Variants in EXOC6 observed in about 807,000 individuals in gnomAD.
EXOC6 encodes the protein exocyst complex component 6, also known as SEC15-like 1.
A neutral mutation model predicts 112.5 loss-of-function variants in EXOC6; 60 were observed. The observed-to-expected ratio is 0.53, with a 90% CI of 0.43 to 0.66. EXOC6 has a LOEUF of 0.66. Ranked by LOEUF, EXOC6 falls within the 30% of genes least tolerant of loss-of-function variation. The pLI, the probability that EXOC6 is intolerant of heterozygous loss-of-function variation, is 0.00. For missense variants in EXOC6, 855 were observed against 957.1 expected (o/e 0.89, Z 1.41); for synonymous variants, 295 against 308.0 (o/e 0.96, Z 0.44).
rs567311286 is a variant in EXOC6 at position 92,946,717 on chromosome 10, C to T, written c.1311-1557C>T. Among the ~76,000 whole-genome samples the T allele has an allele frequency of 2.0e-5, 3 of 152,288 alleles. No individual in the cohort carries two copies. In the East Asian group the frequency reaches 5.8e-4, roughly 29 times the overall value. ...TAATACTGCACTACTTGTGGTTTTACACCCCCCCACACACTAACGCTCACT... is the reference window on the plus strand; with the variant it reads ...TAATACTGCACTACTTGTGGTTTTATACCCCCCCACACACTAACGCTCACT... On this transcript the variant is annotated intron_variant, in intron 13 of 21. Transcript: ENST00000260762.
intron 17 of EXOC6, 69 bp from the exon 18 acceptor site, chr10:92,973,984 T>C: frequency 8.2e-7 from 1 of 1,217,474 alleles, no homozygotes; most frequent in Non-Finnish European, 1.1e-6. Context: ...TAAAATAATA[T>C]CTAGAATTGT....
chr10:92,891,214 T>C (rs1849482227), intron 1 of EXOC6, among the ~76,000 whole-genome samples: 1 of 152,082 alleles, frequency 6.6e-6, no homozygotes, highest in South Asian at 2.1e-4. Flanking sequence ...TCGGACATAT[T>C]TGAGGTGCTT....
rs552813805 is a variant in EXOC6 at position 92,882,811 on chromosome 10, G to T, written c.102-10538G>T. Among the ~76,000 whole-genome samples, 3 of 152,246 alleles carry T rather than the reference G, an allele frequency of 2.0e-5. No homozygotes were observed. The South Asian group carries it at 6.2e-4, about 32-fold the overall frequency. On this transcript the variant is annotated intron_variant, in intron 1 of 21. Transcript: ENST00000260762. ...ACTCTAACTTCAGGGTTTCAAGTGG[G>T]TTATAAATTGATATTGCAGAGGCTG...
At chr10:92,884,454 T>C (rs980323546) in intron 1 of EXOC6, among the ~76,000 whole-genome samples, 1 of 152,246 alleles carries the variant, frequency 6.6e-6, no homozygotes, top group Non-Finnish European at 1.5e-5. Flanking sequence ...TCTCAAATTA[T>C]ACACTATGCA....
chr10:92,902,868 C>T (rs74934440), intron 5 of EXOC6, among the ~76,000 whole-genome samples: 426 of 152,122 alleles, frequency 2.8e-3, no homozygotes, highest in African/African-American at 9.4e-3. Flanking sequence ...TCTTCACTCC[C>T]GATAATGTTT....
chr10:92,863,155 GT>G (rs1847988797), intron 1 of EXOC6, among the ~76,000 whole-genome samples: 1 of 152,100 alleles, frequency 6.6e-6, no homozygotes, highest in South Asian at 2.1e-4. Flanking sequence ...TTCCTATCAG[GT>G]TTATTACATA....
At chr10:93,021,681 C>T (rs1051640525) in intron 20 of EXOC6, among the ~76,000 whole-genome samples, 4 of 152,166 alleles carry the variant, frequency 2.6e-5, no homozygotes, top group Admixed American at 2.0e-4. Context: ...ATATTCATTT[C>T]CCAGTTAGTT....
intron 1 of EXOC6, among the ~76,000 whole-genome samples, chr10:92,873,104 A>C (rs993629897): frequency 6.6e-6 from 1 of 152,192 alleles, no homozygotes; most frequent in Admixed American, 6.5e-5. Flanking sequence ...AATACAATTA[A>C]ATATAGTGGG....
chr10:92,843,533 G>A (rs1026358773), upstream of EXOC6, among the ~76,000 whole-genome samples: 1 of 152,204 alleles, frequency 6.6e-6, no homozygotes, highest in African/African-American at 2.4e-5. Flanking sequence ...GAATCTTTTT[G>A]TAAATGTGTA....
chr10:93,015,787 A>G (rs1012663486), intron 20 of EXOC6, among the ~76,000 whole-genome samples: 2 of 151,994 alleles, frequency 1.3e-5, no homozygotes, highest in Non-Finnish European at 2.9e-5. Flanking sequence ...TCTTCAAGTC[A>G]GGTTTAGAAG....
Position 93,058,205 on chromosome 10 carries a change from A to T in EXOC6, c.2283-18A>T, listed in dbSNP as rs771270921. ...TAATTTTCTTTTACCAAGCTTCTTCATTCACATATGTTTCTAGGATGAAGG... is the reference window on the plus strand; with the variant it reads ...TAATTTTCTTTTACCAAGCTTCTTCTTTCACATATGTTTCTAGGATGAAGG... On this transcript the variant is annotated intron_variant, in intron 21 of 21. Transcript: ENST00000260762. 5 of 1,592,002 alleles carry T rather than the reference A, an allele frequency of 3.1e-6. No individual in the cohort carries two copies. The highest frequency in any genetic ancestry group is 3.8e-5 in the Admixed American group (2 of 52,576).
At chr10:92,975,802 C>A (rs1462165554) in intron 18 of EXOC6, among the ~76,000 whole-genome samples, 1 of 123,692 alleles carries the variant, frequency 8.1e-6, no homozygotes, top group African/African-American at 3.1e-5. Context: ...GGGGGGTCAG[C>A]CCCCGCGCCC....
intron 19 of EXOC6, among the ~76,000 whole-genome samples, chr10:93,009,558 G>T (rs987641753): frequency 1.3e-5 from 2 of 152,192 alleles, no homozygotes; most frequent in African/African-American, 2.4e-5. Flanking sequence ...CTGAAGTTAG[G>T]CTGTGCACAG....
intron 8 of EXOC6, among the ~76,000 whole-genome samples, chr10:92,927,293 G>A (rs903843186): frequency 6.6e-6 from 1 of 151,770 alleles, no homozygotes; most frequent in Admixed American, 6.6e-5. Flanking sequence ...TCTTTAAACA[G>A]TGAAGAAGAC....
At chr10:92,931,377 A>G (rs924607498) in intron 9 of EXOC6, among the ~76,000 whole-genome samples, 3 of 151,724 alleles carry the variant, frequency 2.0e-5, no homozygotes, top group South Asian at 2.1e-4. Context: ...TATAAGAACA[A>G]CTGTCAGGCT....
chr10:92,863,925 AAAC>A (rs1463747500), intron 1 of EXOC6, among the ~76,000 whole-genome samples: 1 of 151,424 alleles, frequency 6.6e-6, no homozygotes, highest in East Asian at 1.9e-4. Flanking sequence ...AAAAAAAAAA[AAAC>A]AAAACAAAAA....
chr10:92,982,162 T>G (rs2134125404), intron 18 of EXOC6, among the ~76,000 whole-genome samples: 1 of 152,216 alleles, frequency 6.6e-6, no homozygotes, highest in African/African-American at 2.4e-5. Context: ...AGTAATAATA[T>G]GAATTTACTG....
At chr10:92,843,364 G>T (rs576000053) in intron 1 of EXOC6, among the ~76,000 whole-genome samples, 1 of 152,326 alleles carries the variant, frequency 6.6e-6, no homozygotes, top group South Asian at 2.1e-4. Context: ...CCACTGGGAA[G>T]GATTAGTTTA....
At position 92,887,298 on chromosome 10, in the gene EXOC6, T is replaced by A. The variant is rs770781392; in HGVS notation, c.102-6051T>A. ...TTCAGTCAGCTATTTATTATTGGCC[T>A]TATTAGCAAATTTCTAGACTAGTTA... On this transcript the variant is annotated intron_variant, in intron 1 of 21. Coordinates refer to ENST00000260762, the MANE Select transcript of EXOC6 (RefSeq NM_019053.6). Among the ~76,000 whole-genome samples, 53 of 152,170 alleles carry A rather than the reference T, an allele frequency of 3.5e-4. 1 individual carries two copies. Among genetic ancestry groups the A allele is most frequent in the Non-Finnish European group, 6.0e-4 (41 of 68,026 alleles).
Sources: allele counts gnomAD v4.1 joint callset (sites outside exome capture counted in the v4.1 genomes callset), GRCh38; gene constraint gnomAD v4.1.1; transcripts MANE v1.5; gene names NCBI Gene and HGNC (gene_info 2026-07-23, HGNC 2026-07-21).